The following CSMD1 variants were observed in gnomAD, a reference collection of about 807,000 sequenced individuals.
The protein encoded by CSMD1 is CUB and sushi domain-containing protein 1.
In CSMD1, 213 loss-of-function variants were observed where a neutral mutation model predicts 417.5. The observed-to-expected ratio is 0.51, with a 90% CI of 0.46 to 0.57. CSMD1 has a LOEUF of 0.57. Ranked by LOEUF, CSMD1 falls within the 20% of genes least tolerant of loss-of-function variation. The pLI is 0.00. For missense variants in CSMD1, 6,923 were observed against 4,529.7 expected (o/e 1.53, Z -15.17); for synonymous variants, 2,862 against 1,736.8 (o/e 1.65, Z -16.11).
At chr8:3,455,588 G>T (rs1002358912) in intron 12 of CSMD1, among the ~76,000 whole-genome samples, 2 of 152,220 alleles carry the variant, frequency 1.3e-5, no homozygotes, top group African/African-American at 2.4e-5. Flanking sequence ...TCCAGACCTT[G>T]TGTGCCTGGG....
intron 1 of CSMD1, among the ~76,000 whole-genome samples, chr8:4,844,681 T>A (rs1467769382): frequency 3.9e-5 from 6 of 152,240 alleles, no homozygotes; most frequent in Non-Finnish European, 8.8e-5. Flanking sequence ...AAATAGAATT[T>A]ACTCATTATT....
intron 1 of CSMD1, among the ~76,000 whole-genome samples, chr8:4,965,155 G>A (rs188389872): frequency 2.0e-4 from 30 of 152,258 alleles, no homozygotes; most frequent in African/African-American, 6.5e-4. Context: ...TTTGTAGATA[G>A]CATACAGATA....
At chr8:4,733,876 T>C (rs376781552) in intron 1 of CSMD1, among the ~76,000 whole-genome samples, 28 of 152,312 alleles carry the variant, frequency 1.8e-4, no homozygotes, top group African/African-American at 6.3e-4. Context: ...ATTTCTGAAA[T>C]TGACCTGGGT....
chr8:4,487,118 AT>A (rs921398302), intron 2 of CSMD1, among the ~76,000 whole-genome samples: 1 of 152,166 alleles, frequency 6.6e-6, no homozygotes, highest in African/African-American at 2.4e-5. Flanking sequence ...AGAATACCAG[AT>A]CATATAAGGC....
chr8:4,752,355 T>C (rs138671770), intron 1 of CSMD1, among the ~76,000 whole-genome samples: 1 of 152,346 alleles, frequency 6.6e-6, no homozygotes, highest in East Asian at 1.9e-4. Context: ...ATCTTTTTTA[T>C]TCTCTTGAAC....
At chr8:3,275,377 C>T (rs185091878) in intron 26 of CSMD1, among the ~76,000 whole-genome samples, 30 of 152,192 alleles carry the variant, frequency 2.0e-4, no homozygotes, top group Middle Eastern at 3.4e-3. Flanking sequence ...TCCTTCATTT[C>T]ACCTTTGGTG....
intron 5 of CSMD1, among the ~76,000 whole-genome samples, chr8:3,839,297 C>T (rs1322799107): frequency 7.3e-4 from 87 of 119,540 alleles, no homozygotes; most frequent in African/African-American, 2.5e-3. Flanking sequence ...ATTATATATA[C>T]TATTATATAT....
chr8:3,080,872 A>C (rs1814043073), intron 49 of CSMD1, among the ~76,000 whole-genome samples: 1 of 152,214 alleles, frequency 6.6e-6, no homozygotes, highest in Non-Finnish European at 1.5e-5. Flanking sequence ...CTCACAATGT[A>C]TCCTCCAATT....
intron 29 of CSMD1, among the ~76,000 whole-genome samples, chr8:3,218,594 G>C (rs1798020039): frequency 6.7e-6 from 1 of 148,334 alleles, no homozygotes; most frequent in South Asian, 2.2e-4. Flanking sequence ...ATTTTTGGCT[G>C]GGCACGGTGA....
At chr8:4,280,497 G>A (rs1359704931) in intron 3 of CSMD1, among the ~76,000 whole-genome samples, 1 of 152,148 alleles carries the variant, frequency 6.6e-6, no homozygotes, top group Non-Finnish European at 1.5e-5. Flanking sequence ...ACATTTCACA[G>A]AAAAATTAAA....
chr8:4,192,060 C>G (rs1258973019), intron 3 of CSMD1, among the ~76,000 whole-genome samples: 1 of 152,096 alleles, frequency 6.6e-6, no homozygotes, highest in Non-Finnish European at 1.5e-5. Flanking sequence ...GTGTTTTCAT[C>G]TCAATAGCCA....
At chr8:4,019,773 T>C (rs933027005) in intron 4 of CSMD1, among the ~76,000 whole-genome samples, 2 of 152,124 alleles carry the variant, frequency 1.3e-5, no homozygotes. Flanking sequence ...GTCCAAGTGG[T>C]GGTGTGTAAA....
rs147577046 is a variant in CSMD1, at chr8:4,276,062, A to T, written c.415+143891T>A. Among the ~76,000 whole-genome samples, 14 of 152,274 alleles carry T rather than the reference A, an allele frequency of 9.2e-5. 1 individual carries two copies. The highest frequency in any genetic ancestry group is 3.4e-4 in the African/African-American group (14 of 41,558). On this transcript the variant is annotated intron_variant, in intron 3 of 69. Coordinates refer to ENST00000635120, the MANE Select transcript of CSMD1 (RefSeq NM_033225.6). ...TTCAACCGTTGTGGAAGACAGTGTGACGATTCCTTAAGGATCTAGAACTTG... is the reference window on the plus strand; with the variant it reads ...TTCAACCGTTGTGGAAGACAGTGTGTCGATTCCTTAAGGATCTAGAACTTG...
At chr8:4,810,497 C>A (rs542304123) in intron 1 of CSMD1, among the ~76,000 whole-genome samples, 1 of 152,160 alleles carries the variant, frequency 6.6e-6, no homozygotes, top group African/African-American at 2.4e-5. Context: ...TATTATTTGG[C>A]AATTGTCTGT....
chr8:4,597,738 G>C (rs1284980961), intron 2 of CSMD1, among the ~76,000 whole-genome samples: 3 of 152,036 alleles, frequency 2.0e-5, no homozygotes, highest in African/African-American at 7.2e-5. Flanking sequence ...CTGTAGTTTA[G>C]CTTTTCTTCT....
chr8:2,974,465 A>T lies in CSMD1; in HGVS notation c.8726T>A (p.Leu2909Gln). ...CQEDSHWSGA[L>Q]PHCTGNNPGF... is the part of the protein sequence containing the mutation. ...AAGCCCCTCACCTGTGCAGTGGGGC[A>T]GTGCCCCGCTCCAGTGACTGTCTTC... The change falls in exon 56 of 70, where the codon CTG becomes CAG. Residue 2909 changes from leucine (L) to glutamine (Q), a missense_variant. Leu to Gln is a moderately radical substitution (Grantham distance 113). Transcript: ENST00000635120. 1.2e-6 allele frequency: 2 copies of T among 1,608,274 alleles called. No homozygotes were observed. The highest frequency in any genetic ancestry group is 1.7e-6 in the Non-Finnish European group (2 of 1,175,964).
intron 3 of CSMD1, among the ~76,000 whole-genome samples, chr8:4,312,225 G>A (rs1175883031): frequency 6.6e-6 from 1 of 151,798 alleles, no homozygotes. Flanking sequence ...AGAATGCATA[G>A]ATAGCGTAAC....
At chr8:3,539,688 G>C (rs918713210) in intron 10 of CSMD1, among the ~76,000 whole-genome samples, 5 of 151,098 alleles carry the variant, frequency 3.3e-5, no homozygotes, top group African/African-American at 4.9e-5. Flanking sequence ...ACCAAATCAA[G>C]TGTGGGATAA....
intron 3 of CSMD1, among the ~76,000 whole-genome samples, chr8:4,140,401 A>C (rs35686725): frequency 6.6e-6 from 1 of 150,538 alleles, no homozygotes; most frequent in Admixed American, 6.6e-5. Flanking sequence ...CGGAGCCTGA[A>C]GCAGGAGAAT....
Sources: gnomAD v4.1 joint callset for allele counts (sites outside exome capture counted in the v4.1 genomes callset) on GRCh38, gnomAD v4.1.1 for gene constraint, MANE v1.5 for transcripts, NCBI Gene and HGNC (gene_info 2026-07-23, HGNC 2026-07-21) for gene names.